ITSN2: variants seen among roughly 807,000 people sequenced by gnomAD.
ITSN2 encodes the protein intersectin-2.
ITSN2 carries 156 observed loss-of-function variants against 243.7 expected under a neutral mutation model. That is an observed-to-expected ratio of 0.64 (90% CI 0.56 to 0.73). The LOEUF (loss-of-function observed/expected upper bound fraction) is 0.73, where lower values mean the gene tolerates loss of function less well. Ranked by LOEUF, ITSN2 falls within the 30% of genes least tolerant of loss-of-function variation. ITSN2 has a pLI of 0.00. For synonymous variants in ITSN2, 703 were observed against 699.9 expected, an observed-to-expected ratio of 1.00 and a Z score of -0.07; for missense variants, 1,801 against 1,996.1, an observed-to-expected ratio of 0.90 and a Z score of 1.86.
At chr2:24,281,746 C>T (rs1476336369) in intron 17 of ITSN2, among the ~76,000 whole-genome samples, 1 of 152,240 alleles carries the variant, frequency 6.6e-6, no homozygotes, top group African/African-American at 2.4e-5. Flanking sequence ...CTATTTCTCT[C>T]CTGAAACTTC....
intron 27 of ITSN2, among the ~76,000 whole-genome samples, chr2:24,248,125 A>G (rs1188755261): frequency 1.3e-5 from 2 of 152,190 alleles, no homozygotes; most frequent in African/African-American, 2.4e-5. Context: ...TTCCTGTATC[A>G]AAACATATGC....
intron 23 of ITSN2, among the ~76,000 whole-genome samples, chr2:24,255,057 G>C (rs947807489): frequency 1.3e-5 from 2 of 152,094 alleles, no homozygotes; most frequent in African/African-American, 4.8e-5. Context: ...ACAACTGAAT[G>C]GACTGTCTTG....
chr2:24,300,705 A>G (rs540691230), intron 11 of ITSN2, among the ~76,000 whole-genome samples: 11 of 124,916 alleles, frequency 8.8e-5, no homozygotes, highest in Non-Finnish European at 1.5e-4. Flanking sequence ...GGCAACAAGG[A>G]AAAAAAAAAA....
intron 7 of ITSN2, among the ~76,000 whole-genome samples, chr2:24,309,532 T>A (rs1043390709): frequency 6.6e-5 from 10 of 152,222 alleles, no homozygotes; most frequent in Non-Finnish European, 5.9e-5. Context: ...TACATTTTTT[T>A]AAATTTTAAG....
chr2:24,239,138 G>T (rs895339650), intron 29 of ITSN2: 4 of 152,486 alleles, frequency 2.6e-5, no homozygotes, highest in Non-Finnish European at 5.9e-5. Flanking sequence ...CATTACAGTA[G>T]CATCACAGCA....
At chr2:24,309,100 T>C in intron 7 of ITSN2, 1 of 218,186 alleles carries the variant, frequency 4.6e-6, no homozygotes, top group South Asian at 5.1e-5. Context: ...AAACCATTGC[T>C]TCAAGTCTGT....
In ITSN2 at chr2:24,204,435, C is replaced by T. The variant is rs377301680; in HGVS notation, c.4763-17G>A. The T allele has an allele frequency of 5.7e-5, 92 of 1,613,564 alleles. No homozygotes were observed. The highest frequency in any genetic ancestry group is 7.4e-5 in the Non-Finnish European group (87 of 1,179,676). ...TGCTCTTTCCTGAACAAAAACAAAC[C>T]ACAGACACATGTGGTGCATGCAGGT... On this transcript the variant is annotated splice_polypyrimidine_tract_variant and intron_variant, in intron 38 of 39. Transcript: ENST00000355123. This position sits in a 1 kb window ranked among gnomAD's most constrained non-coding sequence, Gnocchi z 5.1.
chr2:24,271,616 C>T, intron 19 of ITSN2, 150 bp downstream of exon 19: 1 of 980,802 alleles, frequency 1.0e-6, no homozygotes, highest in African/African-American at 1.7e-5. Flanking sequence ...AATAAGCCTA[C>T]TGCTTTTTAT....
At chr2:24,261,279 T>A (rs773504683) in intron 21 of ITSN2, 29 bp from the exon 22 acceptor site, 1 of 1,539,458 alleles carries the variant, frequency 6.5e-7, no homozygotes, top group Non-Finnish European at 8.9e-7. Flanking sequence ...GATATAAGTA[T>A]ATTTATTTGT....
chr2:24,344,081 T>A (rs777007715), intron 1 of ITSN2, among the ~76,000 whole-genome samples: 1 of 152,226 alleles, frequency 6.6e-6, no homozygotes, highest in African/African-American at 2.4e-5. Flanking sequence ...CCAATTAATA[T>A]TCTATTATTT....
intron 1 of ITSN2, among the ~76,000 whole-genome samples, chr2:24,335,594 A>G (rs1057206995): frequency 1.3e-5 from 2 of 151,820 alleles, no homozygotes; most frequent in African/African-American, 4.8e-5. Context: ...TTGGCCTCCC[A>G]AAGTGCTGGG....
intron 29 of ITSN2, among the ~76,000 whole-genome samples, chr2:24,233,764 T>C (rs919493014): frequency 2.6e-5 from 4 of 152,186 alleles, no homozygotes; most frequent in African/African-American, 4.8e-5. Flanking sequence ...TTCTCACTTA[T>C]ACAGACCAGG....
At chr2:24,351,334 C>G (rs1294075145) in intron 1 of ITSN2, among the ~76,000 whole-genome samples, 2 of 152,164 alleles carry the variant, frequency 1.3e-5, no homozygotes, top group African/African-American at 2.4e-5. Context: ...CTTCATATAC[C>G]TAGTGCCCAG....
intron 29 of ITSN2, among the ~76,000 whole-genome samples, chr2:24,227,692 G>A (rs1469891615): frequency 5.3e-5 from 8 of 152,060 alleles, no homozygotes; most frequent in African/African-American, 7.2e-5. Flanking sequence ...AGGCCAAGGC[G>A]GGTGGATCAC....
At position 24,249,454 on chromosome 2, in the gene ITSN2, A is replaced by G. The variant is rs898640090; in HGVS notation, c.3121-572T>C. Among the ~76,000 whole-genome samples, 7 of 152,210 alleles carry G rather than the reference A, an allele frequency of 4.6e-5. No homozygotes were observed. The highest frequency in any genetic ancestry group is 1.7e-4 in the African/African-American group (7 of 41,454). On this transcript the variant is annotated intron_variant, in intron 25 of 39. Coordinates refer to ENST00000355123, the MANE Select transcript of ITSN2 (RefSeq NM_006277.3). The surrounding 1 kb of genome is among the most constrained non-coding windows in gnomAD (Gnocchi z 4.4). ...TTCACTTTAAAGGATAAACTGGCCC[A>G]ACCACATTTCCTCTTTATAGGAATT...
intron 20 of ITSN2, among the ~76,000 whole-genome samples, chr2:24,264,918 A>T (rs1362019069): frequency 6.9e-6 from 1 of 144,848 alleles, no homozygotes; most frequent in Non-Finnish European, 1.6e-5. Context: ...TTGCTACAAA[A>T]ACAAAAAGAA....
intron 2 of ITSN2, chr2:24,326,567 C>T (rs370675465): frequency 6.0e-6 from 1 of 167,996 alleles, no homozygotes; most frequent in African/African-American, 2.4e-5. Flanking sequence ...ACATGTATCA[C>T]TCATTATGGA....
intron 1 of ITSN2, among the ~76,000 whole-genome samples, chr2:24,358,548 T>C (rs965822000): frequency 6.6e-6 from 1 of 152,208 alleles, no homozygotes; most frequent in Non-Finnish European, 1.5e-5. Flanking sequence ...CCTTTTGTCT[T>C]ACTAAAGATG....
At chr2:24,266,656 C>T (rs937979133) in intron 20 of ITSN2, among the ~76,000 whole-genome samples, 9 of 151,288 alleles carry the variant, frequency 5.9e-5, no homozygotes, top group African/African-American at 1.7e-4. Context: ...CTGCCAGGCA[C>T]GGTGGTTCAT....
Sources: allele counts gnomAD v4.1 joint callset (sites outside exome capture counted in the v4.1 genomes callset), GRCh38; gene constraint gnomAD v4.1.1; non-coding constraint Gnocchi (gnomAD v3.1); transcripts MANE v1.5; gene names NCBI Gene and HGNC (gene_info 2026-07-23, HGNC 2026-07-21).